The following UTRN variants were observed in gnomAD, a reference collection of about 807,000 sequenced individuals.
UTRN encodes the protein utrophin.
UTRN carries 283 observed loss-of-function variants against 463.9 expected under a neutral mutation model. The ratio of observed to expected loss-of-function variants is 0.61; its 90% confidence interval spans 0.55 to 0.67. The LOEUF (loss-of-function observed/expected upper bound fraction) is 0.67, where lower values mean the gene tolerates loss of function less well. Ranked by LOEUF, UTRN falls within the 30% of genes least tolerant of loss-of-function variation. The pLI is 0.00. For synonymous variants in UTRN, 1,442 were observed against 1,431.5 expected (o/e 1.01, Z -0.17); for missense variants, 3,922 against 4,084.3 (o/e 0.96, Z 1.08).
chr6:144,663,597 A>T (rs1306728297), intron 51 of UTRN, among the ~76,000 whole-genome samples: 1 of 152,146 alleles, frequency 6.6e-6, no homozygotes, highest in Non-Finnish European at 1.5e-5. Context: ...TTATTAATTT[A>T]TTCAGACCTG....
At chr6:144,336,264 A>G (rs961078740) in intron 2 of UTRN, among the ~76,000 whole-genome samples, 3 of 152,154 alleles carry the variant, frequency 2.0e-5, no homozygotes, top group East Asian at 1.9e-4. Flanking sequence ...GGGAACTTCA[A>G]TCCAGACTCC....
chr6:144,618,514 T>C (rs1441669556), intron 51 of UTRN, among the ~76,000 whole-genome samples: 1 of 152,138 alleles, frequency 6.6e-6, no homozygotes, highest in African/African-American at 2.4e-5. Context: ...CTAACTGTAC[T>C]TTGGTTACAG....
chr6:144,786,528 C>T (rs1776308577), intron 61 of UTRN, among the ~76,000 whole-genome samples: 1 of 152,136 alleles, frequency 6.6e-6, no homozygotes, highest in Admixed American at 6.5e-5. Flanking sequence ...TCGTGATCCA[C>T]CTGCCTCAGC....
chr6:144,669,835 T>C (rs1315055712), intron 51 of UTRN, among the ~76,000 whole-genome samples: 2 of 152,058 alleles, frequency 1.3e-5, no homozygotes, highest in Non-Finnish European at 2.9e-5. Context: ...GAACATACGA[T>C]GTTTGATTTT....
chr6:144,826,913 C>T (rs955170332), intron 66 of UTRN, among the ~76,000 whole-genome samples: 10 of 152,042 alleles, frequency 6.6e-5, no homozygotes, highest in African/African-American at 1.9e-4. Context: ...CCTCTGCCAT[C>T]AACATATAAT....
At chr6:144,393,550 C>T (rs1782129999) in intron 2 of UTRN, among the ~76,000 whole-genome samples, 1 of 152,184 alleles carries the variant, frequency 6.6e-6, no homozygotes, top group South Asian at 2.1e-4. Flanking sequence ...GACTGACCCA[C>T]ATGGTGCAGG....
At chr6:144,692,296 A>G (rs1450418068) in intron 52 of UTRN, among the ~76,000 whole-genome samples, 2 of 152,168 alleles carry the variant, frequency 1.3e-5, no homozygotes, top group Non-Finnish European at 2.9e-5. Context: ...CTTATCATTG[A>G]TGGGCATTTA....
chr6:144,294,371 G>C (rs1366024617), intron 2 of UTRN, among the ~76,000 whole-genome samples: 2 of 152,110 alleles, frequency 1.3e-5, no homozygotes, highest in East Asian at 1.9e-4. Flanking sequence ...TAAGGCAAAT[G>C]CTTACTATAC....
chr6:144,364,120 A>T (rs1319421106), intron 2 of UTRN, among the ~76,000 whole-genome samples: 1 of 152,170 alleles, frequency 6.6e-6, no homozygotes, highest in African/African-American at 2.4e-5. Context: ...GGCTCTGTTG[A>T]TGAATTAAAT....
intron 53 of UTRN, among the ~76,000 whole-genome samples, chr6:144,730,131 T>G (rs1217208867): frequency 6.6e-6 from 1 of 152,270 alleles, no homozygotes; most frequent in African/African-American, 2.4e-5. Context: ...ATTTTAAAGC[T>G]GTTTCTTTTT....
intron 2 of UTRN, among the ~76,000 whole-genome samples, chr6:144,330,664 T>A (rs997986406): frequency 2.0e-5 from 3 of 152,210 alleles, no homozygotes; most frequent in Non-Finnish European, 4.4e-5. Flanking sequence ...CCTAGGCAGA[T>A]AAGTGTTGTC....
chr6:144,771,383 G>C (rs887052351), intron 58 of UTRN, among the ~76,000 whole-genome samples: 12 of 151,940 alleles, frequency 7.9e-5, no homozygotes, highest in Admixed American at 5.2e-4. Flanking sequence ...AAAGTGTTGG[G>C]ATTATAGATG....
chr6:144,522,607 G>T (rs553827560), intron 40 of UTRN, among the ~76,000 whole-genome samples: 1 of 152,076 alleles, frequency 6.6e-6, no homozygotes, highest in Non-Finnish European at 1.5e-5. Context: ...TAACTTGATT[G>T]CATTTATATG....
At chr6:144,510,813 C>T (rs1795101525) in intron 34 of UTRN, 131 bp from the exon 35 acceptor site, 2 of 729,052 alleles carry the variant, frequency 2.7e-6, no homozygotes, top group East Asian at 6.7e-5. Flanking sequence ...TAAACTTTGA[C>T]ATTGTAAATT....
intron 3 of UTRN, among the ~76,000 whole-genome samples, chr6:144,411,174 T>C (rs1427715936): frequency 6.6e-6 from 1 of 152,228 alleles, no homozygotes; most frequent in Non-Finnish European, 1.5e-5. Flanking sequence ...TGTACTAGTT[T>C]ACATTTCCAG....
intron 3 of UTRN, among the ~76,000 whole-genome samples, chr6:144,415,587 A>C (rs1187155889): frequency 6.6e-6 from 1 of 152,204 alleles, no homozygotes; most frequent in African/African-American, 2.4e-5. Flanking sequence ...CTTTGAGAGT[A>C]TTGAAGTAGG....
intron 7 of UTRN, among the ~76,000 whole-genome samples, chr6:144,427,600 T>C (rs986155408): frequency 2.0e-5 from 3 of 152,182 alleles, no homozygotes; most frequent in African/African-American, 7.2e-5. Flanking sequence ...TTGTTGTTGA[T>C]AATAAAAGGA....
chr6:144,434,531 G>C (rs756781038), intron 9 of UTRN, among the ~76,000 whole-genome samples: 11 of 152,126 alleles, frequency 7.2e-5, no homozygotes, highest in Non-Finnish European at 1.6e-4. Flanking sequence ...TTGGAAGAAA[G>C]TAAAGGTTTT....
In UTRN at chr6:144,590,217, C is replaced by T. The variant is rs148347105; in HGVS notation, c.7479+12929C>T. Among the ~76,000 whole-genome samples, 283 of 151,984 alleles carry T rather than the reference C, an allele frequency of 1.9e-3. 1 individual carries two copies. The highest frequency in any genetic ancestry group is 0.017 in the Middle Eastern group (5 of 294). On this transcript the variant is annotated intron_variant, in intron 51 of 74. Coordinates refer to ENST00000367545, the MANE Select transcript of UTRN (RefSeq NM_007124.3). ...TTCTTTTCAAAACTATTTCGATGTT[C>T]GATGTTCAAGTATTGGCTATATAAT...
Sources: gnomAD v4.1 joint callset for allele counts (sites outside exome capture counted in the v4.1 genomes callset) on GRCh38, gnomAD v4.1.1 for gene constraint, MANE v1.5 for transcripts, NCBI Gene and HGNC (gene_info 2026-07-23, HGNC 2026-07-21) for gene names.